Variants in GLRA2 observed in about 807,000 individuals in gnomAD.
The protein encoded by GLRA2 is glycine receptor subunit alpha-2.
A neutral mutation model predicts 31.6 loss-of-function variants in GLRA2; 11 were observed. The ratio of observed to expected loss-of-function variants is 0.35; its 90% CI spans 0.22 to 0.58. The LOEUF (loss-of-function observed/expected upper bound fraction) is 0.58, where lower values mean the gene tolerates loss of function less well. GLRA2 is among the 20% of genes least tolerant of loss of function. The pLI is 0.84. For synonymous variants in GLRA2, 132 were observed against 134.0 expected (o/e 0.99, Z 0.10); for missense variants, 212 against 351.8 (o/e 0.60, Z 3.18).
intron 7 of GLRA2, among the ~76,000 whole-genome samples, chrX:14,663,662 ATAAT>A (rs2091013065): frequency 9.0e-6 from 1 of 111,684 alleles, no homozygotes; most frequent in Non-Finnish European, 1.9e-5. Context: ...TAATGCAACG[ATAAT>A]TTATTATAAG....
chrX:14,568,692 C>CAAA (rs1390018705), intron 2 of GLRA2, among the ~76,000 whole-genome samples: 1 of 23,521 alleles, frequency 4.3e-5, no homozygotes, highest in Admixed American at 4.5e-4. Flanking sequence ...GACTCTGTCT[C>CAAA]AAAAAAAAAA....
chrX:14,573,981 G>A (rs759388105), intron 2 of GLRA2, among the ~76,000 whole-genome samples: 18 of 110,532 alleles, frequency 1.6e-4, no homozygotes, highest in Non-Finnish European at 3.0e-4. Context: ...TCATCACTAC[G>A]AGGGAACCGC....
chrX:14,628,283 C>A (rs774423795), intron 7 of GLRA2, among the ~76,000 whole-genome samples: 7 of 111,235 alleles, frequency 6.3e-5, no homozygotes, highest in Non-Finnish European at 1.1e-4. Flanking sequence ...GTTTGGGTTG[C>A]GTCTTAAAAT....
the GLRA2 span, among the ~76,000 whole-genome samples, chrX:14,462,072 G>A: frequency 6.3e-5 from 7 of 111,787 alleles, no homozygotes; most frequent in Non-Finnish European, 1.1e-4. Flanking sequence ...GCATTTGCTT[G>A]TCTGTAACGG....
intron 2 of GLRA2, among the ~76,000 whole-genome samples, chrX:14,558,767 G>C (rs1433908181): frequency 9.0e-6 from 1 of 111,267 alleles, no homozygotes; most frequent in East Asian, 2.8e-4. Context: ...CACAGAAGAT[G>C]CTATTTGGTT....
At chrX:14,602,398 T>C (rs1322857734) in intron 4 of GLRA2, among the ~76,000 whole-genome samples, 3 of 110,249 alleles carry the variant, frequency 2.7e-5, no homozygotes, top group African/African-American at 6.6e-5. Context: ...TTTTGTAAGA[T>C]AATGAGTAGT....
At chrX:14,548,413 A>G (rs1341890705) in intron 2 of GLRA2, among the ~76,000 whole-genome samples, 1 of 111,574 alleles carries the variant, frequency 9.0e-6, no homozygotes, top group East Asian at 2.8e-4. Context: ...TTTATCTAGG[A>G]GCTTAATAAA....
intron 8 of GLRA2, among the ~76,000 whole-genome samples, chrX:14,697,631 A>C (rs768170049): frequency 4.0e-4 from 44 of 111,379 alleles, no homozygotes; most frequent in African/African-American, 1.3e-3. Context: ...GTTGCTCTCT[A>C]TCAGTGATGG....
At chrX:14,601,001 GT>G (rs746340611) in intron 4 of GLRA2, among the ~76,000 whole-genome samples, 107 of 60,458 alleles carry the variant, frequency 1.8e-3, no homozygotes, top group African/African-American at 4.1e-3. Flanking sequence ...CTTTGTTGTT[GT>G]TTTTTTTTTT....
In GLRA2 at chrX:14,541,079, A is replaced by G. The variant is rs757180506; in HGVS notation, c.202+8707A>G. Among the ~76,000 whole-genome samples the G allele has an allele frequency of 4.5e-5, 5 of 111,996 alleles. No homozygotes were observed. The East Asian group carries it at 1.4e-3, about 32-fold the overall frequency. On this transcript the variant is annotated intron_variant, in intron 2 of 8. Transcript: ENST00000218075. ...TCTGTCTGATTTAACATATTTGCTA[A>G]TATTAATGTGCTTGTCCCTACAGTA... is the stretch of plus-strand genomic sequence containing the variant.
At chrX:14,563,240 T>A (rs757533777) in intron 2 of GLRA2, among the ~76,000 whole-genome samples, 52 of 112,530 alleles carry the variant, frequency 4.6e-4, no homozygotes, top group African/African-American at 1.7e-3. Context: ...AGAGCCAATC[T>A]GCAAAGACTG....
the GLRA2 span, among the ~76,000 whole-genome samples, chrX:14,510,131 G>T: frequency 9.0e-6 from 1 of 111,324 alleles, no homozygotes; most frequent in Admixed American, 9.6e-5. Flanking sequence ...ATTAAGGGAA[G>T]AAAACTAGGG....
At chrX:14,712,506 GA>G (rs3216384) in intron 8 of GLRA2, among the ~76,000 whole-genome samples, 1,815 of 101,272 alleles carry the variant, frequency 0.018, 41 homozygotes, top group African/African-American at 0.056. Context: ...ACTCTTAATT[GA>G]AAAAAAAAAA....
At chrX:14,601,790 A>T (rs2090278392) in intron 4 of GLRA2, among the ~76,000 whole-genome samples, 1 of 111,440 alleles carries the variant, frequency 9.0e-6, no homozygotes, top group Admixed American at 9.6e-5. Flanking sequence ...AGATTGTAAA[A>T]ATGAAGCAGA....
chrX:14,699,663 C>T (rs2091510806), intron 8 of GLRA2, among the ~76,000 whole-genome samples: 1 of 111,659 alleles, frequency 9.0e-6, no homozygotes, highest in African/African-American at 3.3e-5. Flanking sequence ...AAGACCAGAA[C>T]TTATTCCTCC....
intron 8 of GLRA2, among the ~76,000 whole-genome samples, chrX:14,694,652 G>T: frequency 8.9e-6 from 1 of 111,914 alleles, no homozygotes; most frequent in East Asian, 2.8e-4. Context: ...ATGAAGGAAA[G>T]TGGTTAGGTT....
chrX:14,604,175 C>A, intron 4 of GLRA2, 140 bp from the exon 5 acceptor site: 1 of 335,392 alleles, frequency 3.0e-6, no homozygotes, highest in Non-Finnish European at 5.3e-6. Flanking sequence ...AAACAAAAAG[C>A]ACTGCCCTGA....
the GLRA2 span, among the ~76,000 whole-genome samples, chrX:14,518,134 T>G: frequency 8.9e-6 from 1 of 111,791 alleles, no homozygotes; most frequent in African/African-American, 3.2e-5. Flanking sequence ...ATCAGATAAA[T>G]GTACACCAAA....
At chrX:14,540,450 G>A (rs182151092) in intron 2 of GLRA2, among the ~76,000 whole-genome samples, 1 of 111,397 alleles carries the variant, frequency 9.0e-6, no homozygotes, top group East Asian at 2.8e-4. Context: ...TCCTGTGGAA[G>A]CCTTTCATTA....
Sources: gnomAD v4.1 joint callset for allele counts (sites outside exome capture counted in the v4.1 genomes callset) on GRCh38, gnomAD v4.1.1 for gene constraint, MANE v1.5 for transcripts, NCBI Gene and HGNC (gene_info 2026-07-23, HGNC 2026-07-21) for gene names.